The following CCDC33 variants were observed in gnomAD, a reference collection of about 807,000 sequenced individuals.
CCDC33 encodes coiled-coil domain containing 33.
In CCDC33, 94 loss-of-function variants were observed where a neutral mutation model predicts 91.9. That is an observed-to-expected ratio of 1.02 (90% CI 0.87 to 1.21). The LOEUF is 1.21. CCDC33 is among the 50% of genes most tolerant of loss of function. The probability of loss-of-function intolerance (pLI) is 0.00; values close to 1 mark genes in which losing one functional copy is unlikely to be tolerated. For synonymous variants in CCDC33, 396 were observed against 374.5 expected (o/e 1.06, Z -0.66); for missense variants, 940 against 935.5 (o/e 1.00, Z -0.06).
intron 16 of CCDC33, chr15:74,333,055 A>G (rs1395653241): frequency 1.1e-5 from 8 of 752,250 alleles, no homozygotes; most frequent in Non-Finnish European, 1.7e-5. Context: ...AACCTCATCT[A>G]GCATCCCAGG....
intron 11 of CCDC33, among the ~76,000 whole-genome samples, chr15:74,320,260 G>A (rs1015035521): frequency 3.3e-5 from 5 of 152,104 alleles, no homozygotes; most frequent in Non-Finnish European, 7.4e-5. Flanking sequence ...TGTGTACTTT[G>A]CTGCCTCCAA....
rs762662815 is a variant in CCDC33, at chr15:74,332,808, A to G, written c.1901A>G (p.Gln634Arg). Residue 634 changes from glutamine (Q) to arginine (R), a missense_variant, in exon 16 of 19, where the codon CAG becomes CGG. By Grantham distance (43) the Gln-to-Arg change is conservative. Coordinates refer to ENST00000398814, the MANE Select transcript of CCDC33 (RefSeq NM_025055.5). ...LRTELDKNRH[Q>R]QAPIILQQQA... ...ACGGAGCTGGATAAGAACCGCCACC[A>G]GCAGGCCCCCATCATTCTGCAGCAA... 1.2e-6 allele frequency: 2 copies of G among 1,614,084 alleles called. No homozygotes were observed. The highest frequency in any genetic ancestry group is 2.7e-5 in the African/African-American group (2 of 74,938).
intron 11 of CCDC33, chr15:74,318,396 C>T: frequency 3.8e-6 from 2 of 526,030 alleles, no homozygotes; most frequent in Non-Finnish European, 6.6e-6. Context: ...CCATACAATT[C>T]TGTGGCCAAG....
In CCDC33 at chr15:74,334,098, G is replaced by A. The variant is rs574521420; in HGVS notation, c.2025+131G>A. 99 of 751,172 alleles carry A rather than the reference G, an allele frequency of 1.3e-4. No homozygotes were observed. In the South Asian group the frequency reaches 1.4e-3, roughly 11 times the overall value. 46.5% of individuals were successfully genotyped at this position (751,172 alleles called of 1,614,324 possible). On this transcript the variant is annotated intron_variant, in intron 17 of 18. Transcript: ENST00000398814. ...CAAGGCTTAGTGTGTGGCCAGGGTC[G>A]GGGTTCAGTGTGCAACCAGGGTCAG...
intron 7 of CCDC33, 45 bp downstream of exon 7, chr15:74,272,936 C>T (rs2076359653): frequency 6.2e-7 from 1 of 1,610,570 alleles, no homozygotes; most frequent in Non-Finnish European, 8.5e-7. Context: ...AACTACCCCA[C>T]ACATTCACTG....
At chr15:74,278,845 G>T (rs2076516981) in intron 7 of CCDC33, among the ~76,000 whole-genome samples, 4 of 152,214 alleles carry the variant, frequency 2.6e-5, no homozygotes, top group Admixed American at 2.6e-4. Context: ...TCATACCCAT[G>T]TGTGTGCCCT....
At chr15:74,280,360 T>C (rs2142493425) in intron 8 of CCDC33, among the ~76,000 whole-genome samples, 1 of 152,276 alleles carries the variant, frequency 6.6e-6, no homozygotes, top group East Asian at 1.9e-4. Context: ...CCCTCGGAAC[T>C]CACAGAGAGG....
At chr15:74,323,261 C>T (rs564401593) in intron 11 of CCDC33, among the ~76,000 whole-genome samples, 1 of 152,206 alleles carries the variant, frequency 6.6e-6, no homozygotes, top group African/African-American at 2.4e-5. Flanking sequence ...AACTGCTAAG[C>T]CTTCTCTCCT....
intron 2 of CCDC33, among the ~76,000 whole-genome samples, chr15:74,245,995 C>G (rs924143751): frequency 6.6e-6 from 1 of 152,094 alleles, no homozygotes; most frequent in Non-Finnish European, 1.5e-5. Flanking sequence ...ACCCCCAGCC[C>G]CAGGCAGAAA....
At chr15:74,276,127 G>C (rs536683769) in intron 7 of CCDC33, among the ~76,000 whole-genome samples, 4 of 152,200 alleles carry the variant, frequency 2.6e-5, no homozygotes, top group Admixed American at 1.3e-4. Flanking sequence ...TGCCTTGCTG[G>C]TATAAATGTG....
chr15:74,263,298 C>G (rs764212843), intron 3 of CCDC33, among the ~76,000 whole-genome samples: 3 of 152,198 alleles, frequency 2.0e-5, no homozygotes, highest in Non-Finnish European at 4.4e-5. Context: ...TCGCATCTGG[C>G]ACTGCCAGCA....
At chr15:74,209,470 C>T (rs1324315769) in exon 2 of CCDC33, 1 of 1,534,608 alleles carries the variant, frequency 6.5e-7, no homozygotes, top group Non-Finnish European at 8.7e-7. Flanking sequence ...TGCTGCCCAG[C>T]TGGGCTGAGG....
intron 11 of CCDC33, among the ~76,000 whole-genome samples, chr15:74,328,702 C>T (rs1567039048): frequency 1.3e-5 from 2 of 152,184 alleles, no homozygotes. Flanking sequence ...CTGGTGGGCC[C>T]CTGCTGCCAG....
At chr15:74,318,629 G>A (rs1227438731) in intron 11 of CCDC33, 2 of 760,108 alleles carry the variant, frequency 2.6e-6, no homozygotes, top group Admixed American at 1.8e-5. Flanking sequence ...AGCCCCCAAG[G>A]CTGCCCCAGG....
chr15:74,335,849 G>T (rs2060555163), intron 18 of CCDC33, 76 bp from the exon 19 acceptor site: 4 of 1,132,734 alleles, frequency 3.5e-6, no homozygotes, highest in Non-Finnish European at 5.2e-6. Flanking sequence ...GGCCTGGTTT[G>T]TCAGGCAATA....
intron 4 of CCDC33, among the ~76,000 whole-genome samples, chr15:74,267,456 T>C (rs2076196408): frequency 1.3e-5 from 2 of 152,200 alleles, no homozygotes; most frequent in Non-Finnish European, 2.9e-5. Flanking sequence ...CACTCCAAGG[T>C]TGGGCCTCCC....
intron 11 of CCDC33, chr15:74,302,317 A>G (rs980495409): frequency 5.3e-5 from 8 of 152,276 alleles, no homozygotes; most frequent in African/African-American, 1.7e-4. Flanking sequence ...AAGGAGGACC[A>G]GGGAAGCTGT....
intron 11 of CCDC33, among the ~76,000 whole-genome samples, chr15:74,325,275 C>T (rs1489744447): frequency 6.6e-6 from 1 of 152,014 alleles, no homozygotes; most frequent in African/African-American, 2.4e-5. Flanking sequence ...TACTTACTCC[C>T]CAACCAGCAC....
At chr15:74,252,304 C>G (rs1458667930) in intron 2 of CCDC33, among the ~76,000 whole-genome samples, 1 of 152,108 alleles carries the variant, frequency 6.6e-6, no homozygotes, top group East Asian at 1.9e-4. Flanking sequence ...GTCAAGGACC[C>G]CTGAAGGCAG....
Sources: gnomAD v4.1 joint callset for allele counts (sites outside exome capture counted in the v4.1 genomes callset) on GRCh38, gnomAD v4.1.1 for gene constraint, MANE v1.5 for transcripts, NCBI Gene and HGNC (gene_info 2026-07-23, HGNC 2026-07-21) for gene names.